Variants in SLC2A13 observed in about 807,000 individuals in gnomAD.
SLC2A13 encodes the protein proton myo-inositol cotransporter.
In SLC2A13, 32 loss-of-function variants were observed where a neutral mutation model predicts 64.4. The observed-to-expected ratio is 0.50, with a 90% CI of 0.37 to 0.67. SLC2A13 has a LOEUF of 0.67. Among genes scored for constraint, SLC2A13 ranks in the 30% least tolerant of loss-of-function variants. The probability of loss-of-function intolerance (pLI) is 0.00; values close to 1 mark genes in which losing one functional copy is unlikely to be tolerated. For synonymous variants in SLC2A13, 338 were observed against 327.1 expected, an observed-to-expected ratio of 1.03 and a Z score of -0.36; for missense variants, 743 against 829.2, an observed-to-expected ratio of 0.90 and a Z score of 1.28.
intron 4 of SLC2A13, among the ~76,000 whole-genome samples, chr12:39,877,232 G>A (rs1805552767): frequency 6.6e-6 from 1 of 152,168 alleles, no homozygotes; most frequent in African/African-American, 2.4e-5. Flanking sequence ...TGGACTCAGA[G>A]TTCCACATGG....
chr12:39,855,460 G>A (rs1034693802), intron 6 of SLC2A13, among the ~76,000 whole-genome samples: 1 of 152,174 alleles, frequency 6.6e-6, no homozygotes, highest in Non-Finnish European at 1.5e-5. Flanking sequence ...CTGGGGAAAT[G>A]AATTATGCCA....
intron 4 of SLC2A13, among the ~76,000 whole-genome samples, chr12:39,934,348 C>T (rs944039670): frequency 1.3e-5 from 2 of 152,180 alleles, no homozygotes; most frequent in African/African-American, 4.8e-5. Context: ...AAGTAGAATG[C>T]TAATCGAATG....
At chr12:39,901,390 C>T (rs1187667349) in intron 4 of SLC2A13, among the ~76,000 whole-genome samples, 1 of 150,080 alleles carries the variant, frequency 6.7e-6, no homozygotes, top group Non-Finnish European at 1.5e-5. Flanking sequence ...AAACTACCAT[C>T]AGAGTGAACA....
chr12:39,849,525 A>T (rs977863481), intron 6 of SLC2A13, among the ~76,000 whole-genome samples: 2 of 152,116 alleles, frequency 1.3e-5, no homozygotes, highest in African/African-American at 2.4e-5. Flanking sequence ...GGTGCTCATG[A>T]CTGCCTCTAT....
At chr12:39,870,042 A>T (rs941541685) in intron 5 of SLC2A13, among the ~76,000 whole-genome samples, 2 of 152,222 alleles carry the variant, frequency 1.3e-5, no homozygotes, top group African/African-American at 4.8e-5. Context: ...CTCTGTATCA[A>T]TAAGGGCTCA....
At chr12:39,909,092 T>C (rs1945363980) in intron 4 of SLC2A13, among the ~76,000 whole-genome samples, 1 of 151,940 alleles carries the variant, frequency 6.6e-6, no homozygotes, top group African/African-American at 2.4e-5. Flanking sequence ...GTATTTTTCA[T>C]GTTTGGAAAC....
chr12:39,864,987 T>G, intron 5 of SLC2A13, 105 bp from the exon 6 acceptor site: 1 of 1,068,302 alleles, frequency 9.4e-7, no homozygotes, highest in Non-Finnish European at 1.3e-6. Flanking sequence ...AAACAAAAAC[T>G]CCTGAAAAAA....
At chr12:40,080,556 A>AT (rs904355318) in intron 1 of SLC2A13, among the ~76,000 whole-genome samples, 2 of 151,886 alleles carry the variant, frequency 1.3e-5, no homozygotes, top group Middle Eastern at 3.4e-3. Context: ...ATGCCTGGCT[A>AT]TTTTTTTGTA....
intron 1 of SLC2A13, among the ~76,000 whole-genome samples, chr12:40,067,670 A>C (rs1340804069): frequency 3.3e-5 from 5 of 152,164 alleles, no homozygotes; most frequent in Non-Finnish European, 5.9e-5. Context: ...AATACTAATT[A>C]GTATTACTTC....
rs148662243 is a variant in SLC2A13 at position 39,896,466 on chromosome 12, A to G, written c.1035-24505T>C. 1.9e-3 allele frequency among the ~76,000 whole-genome samples: 276 copies of G among 144,160 alleles called. 11 individuals carry two copies. The East Asian group carries it at 0.021, about 11-fold the overall frequency. The allele number at this position is 144,160 out of a possible 152,430, so 94.6% of individuals were successfully genotyped here. On this transcript the variant is annotated intron_variant, in intron 4 of 9. Coordinates refer to ENST00000280871, the MANE Select transcript of SLC2A13 (RefSeq NM_052885.4). Reference sequence around the variant, plus strand: ...TATGTATATGTGTGTATATATGTATACATATATGTATATGTGTATATATGT... The same window carrying G: ...TATGTATATGTGTGTATATATGTATGCATATATGTATATGTGTATATATGT...
At chr12:40,002,191 A>T (rs1171117027) in intron 3 of SLC2A13, among the ~76,000 whole-genome samples, 1 of 152,252 alleles carries the variant, frequency 6.6e-6, no homozygotes, top group Non-Finnish European at 1.5e-5. Context: ...GGCACTTATT[A>T]TGCGCCAGCC....
intron 4 of SLC2A13, among the ~76,000 whole-genome samples, chr12:39,917,560 T>TA (rs2136050006): frequency 1.3e-5 from 2 of 152,236 alleles, no homozygotes; most frequent in Non-Finnish European, 2.9e-5. Context: ...CTGAGGGCCT[T>TA]AACAGAACAA....
At chr12:39,946,940 AC>A (rs1364738137) in intron 4 of SLC2A13, among the ~76,000 whole-genome samples, 5 of 151,966 alleles carry the variant, frequency 3.3e-5, no homozygotes, top group African/African-American at 1.2e-4. Context: ...GTGGACTTTT[AC>A]CCCCTGCTCC....
chr12:39,971,339 T>A (rs1195023709), intron 3 of SLC2A13, among the ~76,000 whole-genome samples: 1 of 152,206 alleles, frequency 6.6e-6, no homozygotes, highest in Non-Finnish European at 1.5e-5. Context: ...CTGAACTAAA[T>A]AAAAATATAA....
intron 3 of SLC2A13, among the ~76,000 whole-genome samples, chr12:40,004,486 T>C (rs1947377454): frequency 6.6e-6 from 1 of 152,150 alleles, no homozygotes; most frequent in Non-Finnish European, 1.5e-5. Context: ...ACCCGGCCAC[T>C]GTACCATTTT....
chr12:40,105,296 CTTG>C lies in SLC2A13; in HGVS notation c.510_512del (p.Asn170del). The C allele has an allele frequency of 5.6e-6, 9 of 1,602,462 alleles. No individual in the cohort carries two copies. Among genetic ancestry groups the C allele is most frequent in the South Asian group, 2.2e-5 (2 of 89,844 alleles). On this transcript the variant is annotated inframe_deletion, in exon 1 of 10. Coordinates refer to ENST00000280871, the MANE Select transcript of SLC2A13 (RefSeq NM_052885.4). The surrounding 1 kb of genome is among the most constrained non-coding windows in gnomAD (Gnocchi z 4.2). ...CCAGGCGGCCGGCGAGCAGTGTCTC[CTTG>C]TTGTTGGCCGCAGCCAGCACCGCGG...
chr12:39,846,216 G>C (rs1163740100), intron 6 of SLC2A13, among the ~76,000 whole-genome samples: 1 of 152,158 alleles, frequency 6.6e-6, no homozygotes, highest in Non-Finnish European at 1.5e-5. Context: ...ATACTTTAAA[G>C]TATATCAACA....
chr12:39,818,475 T>G (rs1942400715), intron 7 of SLC2A13, among the ~76,000 whole-genome samples: 1 of 152,212 alleles, frequency 6.6e-6, no homozygotes, highest in Non-Finnish European at 1.5e-5. Context: ...GGGAAGATGA[T>G]GCTCTGAGTA....
intron 3 of SLC2A13, among the ~76,000 whole-genome samples, chr12:39,961,817 G>A (rs1235277567): frequency 6.7e-6 from 1 of 149,744 alleles, no homozygotes; most frequent in Non-Finnish European, 1.5e-5. Flanking sequence ...TTCTTTTTAT[G>A]AGACAGAGTC....
Sources: gnomAD v4.1 joint callset for allele counts (sites outside exome capture counted in the v4.1 genomes callset) on GRCh38, gnomAD v4.1.1 for gene constraint, Gnocchi (gnomAD v3.1) non-coding constraint, MANE v1.5 for transcripts, NCBI Gene and HGNC (gene_info 2026-07-23, HGNC 2026-07-21) for gene names.